Variants in PFKFB3 observed in about 807,000 individuals in gnomAD.
PFKFB3 encodes 6-phosphofructo-2-kinase/fructose-2,6-bisphosphatase 3.
PFKFB3 carries 33 observed loss-of-function variants against 68.0 expected under a neutral mutation model. The ratio of observed to expected loss-of-function variants is 0.49; its 90% CI spans 0.37 to 0.65. The LOEUF is 0.65. Among genes scored for constraint, PFKFB3 ranks in the 30% least tolerant of loss-of-function variants. PFKFB3 has a pLI of 0.00. For missense variants in PFKFB3, 586 were observed against 712.2 expected, an observed-to-expected ratio of 0.82 and a Z score of 2.02; for synonymous variants, 315 against 288.2, an observed-to-expected ratio of 1.09 and a Z score of -0.94.
rs1842604404 is a variant in PFKFB3, at chr10:6,178,579, C to T, written c.16+33566C>T. On this transcript the variant is annotated intron_variant, in intron 1 of 14. Coordinates refer to the PFKFB3 transcript ENST00000379789. ...GCTGCTGGAGAGCTTCCGGGATGGACAGAGTCCGCCCCACGGGTCCCTCCT... is the reference window on the plus strand; with the variant it reads ...GCTGCTGGAGAGCTTCCGGGATGGATAGAGTCCGCCCCACGGGTCCCTCCT... Among the ~76,000 whole-genome samples the T allele has an allele frequency of 2.0e-5, 3 of 151,854 alleles. No homozygotes were observed. The South Asian group carries it at 6.2e-4, about 32-fold the overall frequency.
chr10:6,277,038 C>T, the PFKFB3 span, among the ~76,000 whole-genome samples: 29,250 of 151,874 alleles, frequency 0.19, 3,414 homozygotes, highest in East Asian at 0.47. Flanking sequence ...TAACCTGTTC[C>T]CCATTGCTGT....
chr10:6,227,991 C>G (rs139807710), intron 14 of PFKFB3, among the ~76,000 whole-genome samples: 1 of 152,204 alleles, frequency 6.6e-6, no homozygotes, highest in East Asian at 1.9e-4. Flanking sequence ...AGACCTCCGT[C>G]GTGGAGGACG....
chr10:6,252,461 A>G lies in PFKFB3; in HGVS notation c.1516-1717A>G, dbSNP rs534135828. On this transcript the variant is annotated intron_variant, in intron 14 of 14. Coordinates refer to the PFKFB3 transcript ENST00000640683. Reference sequence around the variant, plus strand: ...GATTCAGTTTCTAGAAATCTCTCCCAAGGCATACATGCAGACAAAGGCTTA... The same window carrying G: ...GATTCAGTTTCTAGAAATCTCTCCCGAGGCATACATGCAGACAAAGGCTTA... 1.4e-4 allele frequency among the ~76,000 whole-genome samples: 21 copies of G among 152,344 alleles called. No individual in the cohort carries two copies. The South Asian group carries it at 3.7e-3, about 27-fold the overall frequency.
At chr10:6,299,033 C>A in the PFKFB3 span, among the ~76,000 whole-genome samples, 6 of 152,328 alleles carry the variant, frequency 3.9e-5, no homozygotes, top group Admixed American at 6.5e-5. Context: ...TGAAAGCACT[C>A]AAATGATATT....
intron 14 of PFKFB3, chr10:6,231,651 C>T (rs1845750164): frequency 2.1e-6 from 2 of 931,276 alleles, no homozygotes; most frequent in African/African-American, 3.6e-5. Context: ...CAGCCCTGCT[C>T]TGTGATCCCA....
At chr10:6,254,187 A>T (rs1375005305) in exon 15 of PFKFB3, 2 of 394,422 alleles carry the variant, frequency 5.1e-6, no homozygotes, top group Non-Finnish European at 4.4e-6. Context: ...GGAGTTAAAG[A>T]GTGGAATTCC....
chr10:6,322,449 T>C, the PFKFB3 span, among the ~76,000 whole-genome samples: 1 of 152,214 alleles, frequency 6.6e-6, no homozygotes, highest in African/African-American at 2.4e-5. Context: ...TCTTGACCAC[T>C]GTAGTCCACA....
chr10:6,224,281 C>T (rs1845172542), intron 13 of PFKFB3, 68 bp downstream of exon 13: 23 of 1,528,046 alleles, frequency 1.5e-5, no homozygotes, highest in Non-Finnish European at 1.9e-5. Flanking sequence ...GATGGGCGCT[C>T]AGGAGGCCCC....
chr10:6,167,991 TC>T (rs1842192547), intron 1 of PFKFB3, among the ~76,000 whole-genome samples: 1 of 152,246 alleles, frequency 6.6e-6, no homozygotes, highest in South Asian at 2.1e-4. Context: ...AGCTTCTTCA[TC>T]TGCGTCATCT....
In PFKFB3 at chr10:6,216,145, TGA is replaced by T; in HGVS notation, c.325_326del (p.Asp109CysfsTer22). On this transcript the variant is annotated frameshift_variant, in exon 4 of 15. Coordinates refer to ENST00000379775, the MANE Select transcript of PFKFB3 (RefSeq NM_004566.4). LOFTEE classifies it high-confidence loss of function. Reference sequence around the variant, plus strand: ...TCCAGGCAATGTGCCTTAGCTGCCTTGAGAGATGTCAAAAGCTACCTGGCGAA... The same window carrying T: ...TCCAGGCAATGTGCCTTAGCTGCCTTGAGATGTCAAAAGCTACCTGGCGAA... 6.2e-7 allele frequency: 1 copy of T among 1,613,570 alleles called. No individual in the cohort carries two copies. Among genetic ancestry groups the T allele is most frequent in the Middle Eastern group, 1.6e-4 (1 of 6,062 alleles).
At chr10:6,280,898 C>A in the PFKFB3 span, among the ~76,000 whole-genome samples, 1 of 151,510 alleles carries the variant, frequency 6.6e-6, no homozygotes, top group Non-Finnish European at 1.5e-5. Flanking sequence ...CTGGTGCACC[C>A]ATCGCCCGAG....
the PFKFB3 span, among the ~76,000 whole-genome samples, chr10:6,315,396 G>C: frequency 6.6e-6 from 1 of 152,226 alleles, no homozygotes; most frequent in Non-Finnish European, 1.5e-5. Context: ...GTAAAGGCCA[G>C]TTGCCTTATA....
chr10:6,292,239 C>G, the PFKFB3 span, among the ~76,000 whole-genome samples: 1 of 148,586 alleles, frequency 6.7e-6, no homozygotes, highest in Non-Finnish European at 1.5e-5. Flanking sequence ...CAAGTGTGAG[C>G]CACAGCACCC....
At chr10:6,268,007 T>A in the PFKFB3 span, among the ~76,000 whole-genome samples, 1 of 142,856 alleles carries the variant, frequency 7.0e-6, no homozygotes. Flanking sequence ...AAGCTGGCAA[T>A]GACAGTGTTA....
In PFKFB3 at chr10:6,233,942, A is replaced by G. The variant is rs1299553705; in HGVS notation, c.*1000A>G. 1 of 152,432 alleles carries G rather than the reference A, an allele frequency of 6.6e-6. No individual in the cohort carries two copies. Among genetic ancestry groups the G allele is most frequent in the Non-Finnish European group, 1.5e-5 (1 of 68,106 alleles). The allele number at this position is 152,432 out of a possible 1,614,324, so 9.4% of individuals were successfully genotyped here. On this transcript the variant is annotated 3_prime_UTR_variant, in exon 15 of 15. Coordinates refer to ENST00000379775, the MANE Select transcript of PFKFB3 (RefSeq NM_004566.4). The stretch of plus-strand genomic sequence containing the variant: ...GGGACAGTGGCCCAAGCAAGGCCTC[A>G]CTCGCAGCCACTTCTTCAAGAGCTG...
chr10:6,226,408 C>G, intron 14 of PFKFB3, 43 bp downstream of exon 14: 1 of 1,555,114 alleles, frequency 6.4e-7, no homozygotes, highest in Non-Finnish European at 8.7e-7. Context: ...GGACGCATGC[C>G]GGGCGTGATG....
chr10:6,156,129 A>ATT (rs1554840060), intron 1 of PFKFB3, among the ~76,000 whole-genome samples: 1 of 96,860 alleles, frequency 1.0e-5, no homozygotes, highest in African/African-American at 2.9e-5. Context: ...GTACATATAT[A>ATT]TGTGTGTGTG....
chr10:6,200,666 GGGGGGGGGGCGGGGGGTGGTGGT>G (rs1410807423), upstream of PFKFB3, among the ~76,000 whole-genome samples: 20 of 133,738 alleles, frequency 1.5e-4, 1 homozygote, highest in African/African-American at 5.1e-4. Context: ...GAGCGGGGGG[GGGGGGGGGGCGGGGGGTGGTGGT>G]GGGGCGGGGA....
chr10:6,292,887 C>T, the PFKFB3 span, among the ~76,000 whole-genome samples: 1 of 152,302 alleles, frequency 6.6e-6, no homozygotes, highest in Admixed American at 6.5e-5. Flanking sequence ...AGTTTCACCT[C>T]TATAAAACCA....
Sources: gnomAD v4.1 joint callset for allele counts (sites outside exome capture counted in the v4.1 genomes callset) on GRCh38, gnomAD v4.1.1 for gene constraint, MANE v1.5 for transcripts, NCBI Gene and HGNC (gene_info 2026-07-23, HGNC 2026-07-21) for gene names.